Variants in SNAP91 observed in about 807,000 individuals in gnomAD.
SNAP91 encodes clathrin coat assembly protein AP180.
In SNAP91, 27 loss-of-function variants were observed where a neutral mutation model predicts 100.3. The ratio of observed to expected loss-of-function variants is 0.27; its 90% confidence interval spans 0.20 to 0.37. SNAP91 has a LOEUF of 0.37. Ranked by LOEUF, SNAP91 falls within the 10% of genes least tolerant of loss-of-function variation. The probability of loss-of-function intolerance (pLI) is 1.00; values close to 1 mark genes in which losing one functional copy is unlikely to be tolerated. For synonymous variants in SNAP91, 404 were observed against 398.6 expected (o/e 1.01, Z -0.16); for missense variants, 986 against 1,123.7 (o/e 0.88, Z 1.75).
intron 8 of SNAP91, among the ~76,000 whole-genome samples, chr6:83,633,080 T>C (rs1304350186): frequency 1.3e-5 from 2 of 152,206 alleles, no homozygotes; most frequent in African/African-American, 4.8e-5. Flanking sequence ...GGGTCTTCCC[T>C]TGATGTAGTA....
chr6:83,629,528 C>A (rs1454177795), intron 8 of SNAP91, among the ~76,000 whole-genome samples: 1 of 152,038 alleles, frequency 6.6e-6, no homozygotes. Context: ...TCTATGATTT[C>A]TTTCAGCGGT....
chr6:83,628,098 C>G (rs569261936), intron 8 of SNAP91, among the ~76,000 whole-genome samples: 1 of 151,638 alleles, frequency 6.6e-6, no homozygotes, highest in Non-Finnish European at 1.5e-5. Flanking sequence ...TAAGTGAGAA[C>G]ATATAATGTT....
At chr6:83,647,908 T>C (rs1173645372) in intron 7 of SNAP91, among the ~76,000 whole-genome samples, 2 of 152,166 alleles carry the variant, frequency 1.3e-5, no homozygotes, top group Non-Finnish European at 2.9e-5. Context: ...AAGGGCCTTC[T>C]TGCTGCATCA....
rs562893774 is a variant in SNAP91, at chr6:83,584,353, T to A, written c.2015-1997A>T. ...CATCTGATTCCTTCCTGTCATCTCA[T>A]GGCTAGAAGAAATGACTCAAAGAGA... On this transcript the variant is annotated intron_variant, in intron 22 of 29. Transcript: ENST00000369694. Among the ~76,000 whole-genome samples, 7 of 152,314 alleles carry A rather than the reference T, an allele frequency of 4.6e-5. No individual in the cohort carries two copies. In the South Asian group the frequency reaches 1.5e-3, roughly 32 times the overall value.
intron 2 of SNAP91, among the ~76,000 whole-genome samples, chr6:83,674,823 T>G (rs746261220): frequency 6.6e-6 from 1 of 152,108 alleles, no homozygotes; most frequent in African/African-American, 2.4e-5. Flanking sequence ...AAAATATAAA[T>G]TATGCATATA....
chr6:83,568,848 T>C (rs952110058), intron 26 of SNAP91, among the ~76,000 whole-genome samples: 2 of 152,196 alleles, frequency 1.3e-5, no homozygotes, highest in African/African-American at 2.4e-5. Flanking sequence ...CAAGGAAAAT[T>C]TGGAAACACT....
chr6:83,705,748 T>C (rs1377571320), intron 2 of SNAP91, among the ~76,000 whole-genome samples: 1 of 150,864 alleles, frequency 6.6e-6, no homozygotes, highest in Admixed American at 6.6e-5. Flanking sequence ...GAGGCTGCAG[T>C]GGGCCGACAA....
intron 2 of SNAP91, among the ~76,000 whole-genome samples, chr6:83,683,475 C>G (rs2099019858): frequency 6.6e-6 from 1 of 152,072 alleles, no homozygotes; most frequent in South Asian, 2.1e-4. Flanking sequence ...TAAAAAGAGC[C>G]TGGCATCTCC....
At chr6:83,688,021 A>C (rs896588345) in intron 2 of SNAP91, among the ~76,000 whole-genome samples, 6 of 152,086 alleles carry the variant, frequency 3.9e-5, no homozygotes, top group African/African-American at 1.2e-4. Flanking sequence ...GATATCTAAA[A>C]ATATTTTCAA....
rs118000416 is a variant in SNAP91, at chr6:83,636,913, C to T, written c.765+4183G>A. On this transcript the variant is annotated intron_variant, in intron 8 of 29. Transcript: ENST00000369694. ...ATAGTTGATCGGTTTCGTTTCTGAG[C>T]GCTTTCAGAGGGTCAAGGCTCTGTT... Among the ~76,000 whole-genome samples the T allele has an allele frequency of 9.1e-4, 138 of 152,140 alleles. No homozygotes were observed. The East Asian group carries it at 0.013, about 14-fold the overall frequency.
chr6:83,594,804 CA>C (rs2094274461), intron 16 of SNAP91, among the ~76,000 whole-genome samples: 1 of 151,900 alleles, frequency 6.6e-6, no homozygotes, highest in Middle Eastern at 3.4e-3. Context: ...AAAATTAAAA[CA>C]AAAAATATTT....
intron 26 of SNAP91, among the ~76,000 whole-genome samples, chr6:83,565,029 C>T (rs753695017): frequency 4.1e-5 from 6 of 147,814 alleles, no homozygotes; most frequent in Non-Finnish European, 7.4e-5. Context: ...TCTAGTATCC[C>T]GAATATTTAA....
chr6:83,707,158 C>T (rs919295212), intron 2 of SNAP91, among the ~76,000 whole-genome samples: 6 of 152,104 alleles, frequency 3.9e-5, no homozygotes, highest in Admixed American at 2.6e-4. Flanking sequence ...GAGAATGGGA[C>T]AAAGTGTGCC....
Position 83,640,972 on chromosome 6 carries a change from TG to T in SNAP91, c.765+123del, listed in dbSNP as rs2097675280. On this transcript the variant is annotated intron_variant, in intron 8 of 29. Coordinates refer to ENST00000369694, the MANE Select transcript of SNAP91 (RefSeq NM_001242792.2). ...AGTCACTTCCAACCTTAATATACTG[TG>T]ACTCCGAGGCACTTCCAACCCTAAT... The T allele has an allele frequency of 4.4e-5, 23 of 523,440 alleles. No individual in the cohort carries two copies. The South Asian group carries it at 8.4e-4, about 19-fold the overall frequency. 32.4% of individuals were successfully genotyped at this position (523,440 alleles called of 1,614,324 possible).
At chr6:83,626,590 A>G (rs1275692581) in intron 8 of SNAP91, among the ~76,000 whole-genome samples, 2 of 151,860 alleles carry the variant, frequency 1.3e-5, no homozygotes, top group Non-Finnish European at 2.9e-5. Flanking sequence ...GGTTAGAGGT[A>G]CTCCTAGGTT....
rs1386843997 is a variant in SNAP91, at chr6:83,582,315, T to C, written c.2056A>G (p.Thr686Ala). The change falls in exon 23 of 30, where the codon ACT (threonine) becomes GCT (alanine). Residue 686 changes from threonine to alanine, a missense_variant. By Grantham distance (58) the Thr-to-Ala change is moderately conservative. Around this residue, in one of 4 missense-constraint regions of SNAP91, gnomAD observed 575 missense variants for 579.9 expected, o/e 0.99. Coordinates refer to ENST00000369694, the MANE Select transcript of SNAP91 (RefSeq NM_001242792.2). ...SFMAPSPSPV[T>A]PAQNNLLQPN... ...TGTAGCAGGTTATTCTGAGCTGGAGTCACTGGAGATGGGGAAGGCGCCATG... is the reference window on the plus strand; with the variant it reads ...TGTAGCAGGTTATTCTGAGCTGGAGCCACTGGAGATGGGGAAGGCGCCATG... 6.2e-7 allele frequency: 1 copy of C among 1,612,798 alleles called. No homozygotes were observed. The highest frequency in any genetic ancestry group is 1.3e-5 in the African/African-American group (1 of 74,788).
At chr6:83,687,531 A>G (rs1433356164) in intron 2 of SNAP91, among the ~76,000 whole-genome samples, 2 of 152,218 alleles carry the variant, frequency 1.3e-5, no homozygotes, top group African/African-American at 2.4e-5. Context: ...TCTCGGGCAG[A>G]GGCCACTTCA....
At chr6:83,685,342 T>C (rs1435390666) in intron 2 of SNAP91, among the ~76,000 whole-genome samples, 3 of 152,086 alleles carry the variant, frequency 2.0e-5, no homozygotes, top group African/African-American at 7.2e-5. Flanking sequence ...GCAGGAACAA[T>C]GCCTGCTGTG....
In SNAP91 at chr6:83,654,592, A is replaced by G. The variant is rs574382468; in HGVS notation, c.658+2162T>C. Reference sequence around the variant, plus strand: ...TTAGATCCAGTGAATGCACAAGACTATCTGTGGTTATATCCTCAGTTTTCT... The same window carrying G: ...TTAGATCCAGTGAATGCACAAGACTGTCTGTGGTTATATCCTCAGTTTTCT... On this transcript the variant is annotated intron_variant, in intron 7 of 29. Transcript: ENST00000369694. 6.6e-5 allele frequency among the ~76,000 whole-genome samples: 10 copies of G among 152,228 alleles called. No homozygotes were observed. The South Asian group carries it at 2.1e-3, about 32-fold the overall frequency.
Sources: allele counts gnomAD v4.1 joint callset (sites outside exome capture counted in the v4.1 genomes callset), GRCh38; gene constraint gnomAD v4.1.1; regional missense constraint gnomAD v4.1.1; transcripts MANE v1.5; gene names NCBI Gene and HGNC (gene_info 2026-07-23, HGNC 2026-07-21).